Variants in RFTN2 observed in about 807,000 individuals in gnomAD.
RFTN2 encodes the protein raftlin-2.
RFTN2 carries 34 observed loss-of-function variants against 52.7 expected under a neutral mutation model. That is an observed-to-expected ratio of 0.64 (90% confidence interval 0.49 to 0.86). RFTN2 has a LOEUF of 0.86. Ranked by LOEUF, RFTN2 falls within the 40% of genes least tolerant of loss-of-function variation. RFTN2 has a pLI of 0.00. For synonymous variants in RFTN2, 203 were observed against 217.7 expected, an observed-to-expected ratio of 0.93 and a Z score of 0.59; for missense variants, 536 against 600.1, an observed-to-expected ratio of 0.89 and a Z score of 1.12.
intron 4 of RFTN2, among the ~76,000 whole-genome samples, chr2:197,631,609 T>C (rs958541680): frequency 4.6e-5 from 7 of 152,226 alleles, no homozygotes; most frequent in African/African-American, 1.7e-4. Context: ...TCAACATGCC[T>C]TTGAAATGTA....
Position 197,596,020 on chromosome 2 carries a change from T to A in RFTN2, c.1204A>T (p.Met402Leu), listed in dbSNP as rs756022232. The change falls in exon 8 of 9, where the codon ATG becomes TTG. Residue 402 changes from methionine to leucine, a missense_variant. Met to Leu is a conservative substitution (Grantham distance 15, BLOSUM62 2). Coordinates refer to ENST00000295049, the MANE Select transcript of RFTN2 (RefSeq NM_144629.3). ...KQIVFLQRPV[M>L]WNSAAQTPDK... ...GGTGTTTGAGCAGCTGAATTCCACA[T>A]AACTGGCCTCTGAAGGAATACGATC... is the stretch of plus-strand genomic sequence containing the variant. The A allele has an allele frequency of 6.2e-7, 1 of 1,612,610 alleles. No individual in the cohort carries two copies. The highest frequency in any genetic ancestry group is 8.5e-7 in the Non-Finnish European group (1 of 1,178,798).
At chr2:197,625,726 C>CTCTTCT (rs2088347644) in intron 5 of RFTN2, among the ~76,000 whole-genome samples, 1 of 136,620 alleles carries the variant, frequency 7.3e-6, no homozygotes, top group African/African-American at 2.7e-5. Context: ...CTCCTCCCCT[C>CTCTTCT]CCTTCCCCTC....
At chr2:197,670,281 A>T (rs1008038777) in intron 1 of RFTN2, among the ~76,000 whole-genome samples, 2 of 152,018 alleles carry the variant, frequency 1.3e-5, no homozygotes, top group Non-Finnish European at 2.9e-5. Context: ...TTATTTTTCC[A>T]TTCTTTTGTT....
chr2:197,652,789 A>G lies in RFTN2; in HGVS notation c.140-6123T>C, dbSNP rs942479849. ...TTGTTTGGTGGTACAAAGGTCTCCC[A>G]AACAAAAAAATCTAACAGGGATAAA... On this transcript the variant is annotated intron_variant, in intron 1 of 8. Coordinates refer to ENST00000295049, the MANE Select transcript of RFTN2 (RefSeq NM_144629.3). Among the ~76,000 whole-genome samples, 26 of 152,334 alleles carry G rather than the reference A, an allele frequency of 1.7e-4. 1 individual carries two copies. Among genetic ancestry groups the G allele is most frequent in the African/African-American group, 5.8e-4 (24 of 41,584 alleles).
intron 8 of RFTN2, among the ~76,000 whole-genome samples, chr2:197,574,599 G>A (rs2087381541): frequency 6.6e-6 from 1 of 152,172 alleles, no homozygotes; most frequent in African/African-American, 2.4e-5. Context: ...CGGGTGCAGT[G>A]GCTTACACCT....
intron 8 of RFTN2, among the ~76,000 whole-genome samples, chr2:197,575,864 T>TTTATATA (rs533859262): frequency 1.6e-5 from 2 of 126,946 alleles, no homozygotes; most frequent in East Asian, 2.2e-4. Flanking sequence ...ACATAATATA[T>TTTATATA]TTATATATTA....
At chr2:197,644,305 G>C (rs747305608) in intron 2 of RFTN2, 33 bp from the exon 3 acceptor site, 1 of 1,165,664 alleles carries the variant, frequency 8.6e-7, no homozygotes, top group South Asian at 1.2e-5. Flanking sequence ...ATGGTTGGAG[G>C]CCAATTGCTG....
intron 1 of RFTN2, among the ~76,000 whole-genome samples, chr2:197,674,363 A>AAAAAAAAAT (rs2089188117): frequency 6.8e-6 from 1 of 147,688 alleles, no homozygotes; most frequent in Non-Finnish European, 1.5e-5. Context: ...AAAAAAAAAA[A>AAAAAAAAAT]GAAAAGAATG....
intron 8 of RFTN2, among the ~76,000 whole-genome samples, chr2:197,581,468 C>A (rs201302811): frequency 1.6e-4 from 24 of 152,322 alleles, no homozygotes; most frequent in East Asian, 3.9e-4. Flanking sequence ...TCTACTGCCG[C>A]AAGCCTTCAG....
At chr2:197,649,985 G>C (rs1347174485) in intron 1 of RFTN2, among the ~76,000 whole-genome samples, 4 of 152,066 alleles carry the variant, frequency 2.6e-5, no homozygotes, top group African/African-American at 9.7e-5. Flanking sequence ...TTTGGAGTTG[G>C]ATTGTAGTAA....
chr2:197,643,145 G>A (rs542993531), intron 3 of RFTN2, among the ~76,000 whole-genome samples: 1 of 152,242 alleles, frequency 6.6e-6, no homozygotes, highest in African/African-American at 2.4e-5. Flanking sequence ...GAGTGTAGTG[G>A]CTTGATCACA....
At chr2:197,675,155 C>T (rs1273474842) in intron 1 of RFTN2, among the ~76,000 whole-genome samples, 165 bp downstream of exon 1, 1 of 151,914 alleles carries the variant, frequency 6.6e-6, no homozygotes, top group Non-Finnish European at 1.5e-5. Context: ...AAGCAATCAA[C>T]AAAACAAAAA....
At chr2:197,636,642 G>T (rs2088571819) in intron 3 of RFTN2, among the ~76,000 whole-genome samples, 7 of 139,728 alleles carry the variant, frequency 5.0e-5, no homozygotes, top group Admixed American at 4.4e-4. Context: ...ATTTTGGGCT[G>T]AGACAATGGG....
At chr2:197,616,427 G>A (rs1414274765) in intron 6 of RFTN2, among the ~76,000 whole-genome samples, 1 of 151,878 alleles carries the variant, frequency 6.6e-6, no homozygotes, top group East Asian at 1.9e-4. Flanking sequence ...GAGTAACTGG[G>A]ACTACAGGTG....
chr2:197,584,207 C>T (rs2087557846), intron 8 of RFTN2, among the ~76,000 whole-genome samples: 1 of 152,348 alleles, frequency 6.6e-6, no homozygotes, highest in East Asian at 1.9e-4. Context: ...GCCACACTGT[C>T]TTCCACAATG....
intron 8 of RFTN2, among the ~76,000 whole-genome samples, chr2:197,583,279 C>T (rs570066199): frequency 6.6e-5 from 10 of 152,324 alleles, no homozygotes; most frequent in Middle Eastern, 3.4e-3. Context: ...ACTTTACTCA[C>T]ATACCCCGAG....
chr2:197,574,105 A>G (rs2087372624), intron 8 of RFTN2, among the ~76,000 whole-genome samples: 2 of 152,238 alleles, frequency 1.3e-5, no homozygotes, highest in Admixed American at 6.5e-5. Flanking sequence ...GACACTGCCT[A>G]GTGGAGCTGT....
chr2:197,588,245 C>G (rs2087633495), intron 8 of RFTN2, among the ~76,000 whole-genome samples: 1 of 152,322 alleles, frequency 6.6e-6, no homozygotes, highest in East Asian at 1.9e-4. Context: ...TGCATGCACA[C>G]AGACGATGTA....
chr2:197,656,884 CAAAG>C (rs1284760582), intron 1 of RFTN2, among the ~76,000 whole-genome samples: 3 of 152,058 alleles, frequency 2.0e-5, no homozygotes, highest in Non-Finnish European at 2.9e-5. Flanking sequence ...GCTGATAAAA[CAAAG>C]AAAGGAGCTA....
Sources: gnomAD v4.1 joint callset for allele counts (sites outside exome capture counted in the v4.1 genomes callset) on GRCh38, gnomAD v4.1.1 for gene constraint, MANE v1.5 for transcripts, NCBI Gene and HGNC (gene_info 2026-07-23, HGNC 2026-07-21) for gene names.